Variants in SRGAP2 observed in about 807,000 individuals in gnomAD.
SRGAP2 encodes SLIT-ROBO Rho GTPase-activating protein 2.
SRGAP2 carries 15 observed loss-of-function variants against 57.2 expected under a neutral mutation model. The observed-to-expected ratio is 0.26, with a 90% CI of 0.18 to 0.40. SRGAP2 has a LOEUF of 0.40. Among genes scored for constraint, SRGAP2 ranks in the 10% least tolerant of loss-of-function variants. The pLI is 1.00. For synonymous variants in SRGAP2, 249 were observed against 248.0 expected, an observed-to-expected ratio of 1.00 and a Z score of -0.04; for missense variants, 520 against 669.6, an observed-to-expected ratio of 0.78 and a Z score of 2.47.
intron 2 of SRGAP2, among the ~76,000 whole-genome samples, chr1:206,289,624 C>T (rs1437263012): frequency 6.8e-6 from 1 of 147,126 alleles, no homozygotes. Flanking sequence ...TTAAACTTAA[C>T]CACTAATAAG....
intron 12 of SRGAP2, among the ~76,000 whole-genome samples, chr1:206,420,633 C>T (rs1289298388): frequency 6.6e-6 from 1 of 152,222 alleles, no homozygotes; most frequent in Non-Finnish European, 1.5e-5. Flanking sequence ...TCCCATCCTT[C>T]ACTCAGAGCA....
Position 206,303,307 on chromosome 1 carries a change from A to T in SRGAP2, c.94A>T (p.Met32Leu). 6.9e-7 allele frequency: 1 copy of T among 1,440,970 alleles called. No individual in the cohort carries two copies. Among genetic ancestry groups the T allele is most frequent in the Non-Finnish European group, 9.2e-7 (1 of 1,082,266 alleles). The allele number at this position is 1,440,970 out of a possible 1,614,324, so 89.3% of individuals were successfully genotyped here. A position where few individuals can be genotyped will look rare whatever the true frequency, so the allele number is the denominator to read the frequency against. ...GATCCGTGCTCAGCTCACAGAGCAG[A>T]TGAAATGCCTGGACCAGCAGTGTGA... ...KEIRAQLTEQ[M>L]KCLDQQCELR... Residue 32 changes from methionine to leucine, a missense_variant, in exon 3 of 23, where the codon ATG (methionine) becomes TTG (leucine). This residue lies in a region of SRGAP2 where 26 missense variants were observed against 202.3 expected (regional missense o/e 0.13). Transcript: ENST00000573034.
intron 16 of SRGAP2, among the ~76,000 whole-genome samples, chr1:206,439,073 G>A (rs1662036346): frequency 6.6e-6 from 1 of 152,180 alleles, no homozygotes; most frequent in South Asian, 2.1e-4. Context: ...CCTAGGTGAA[G>A]TATCTTAAGC....
At position 206,454,803 on chromosome 1, in the gene SRGAP2, C is replaced by T; in HGVS notation, c.2361-75C>T. On this transcript the variant is annotated intron_variant, in intron 20 of 22. Transcript: ENST00000573034. This position sits in a 1 kb window ranked among gnomAD's most constrained non-coding sequence, Gnocchi z 4.3. ...GGTCGCGTGTATGTCGGGGGGCCAT[C>T]TTGCCGATTTAACGCTGCTTTTTGT... 1 of 680,998 alleles carries T rather than the reference C, an allele frequency of 1.5e-6. No individual in the cohort carries two copies. Among genetic ancestry groups the T allele is most frequent in the Non-Finnish European group, 2.7e-6 (1 of 372,974 alleles). 42.2% of individuals were successfully genotyped at this position (680,998 alleles called of 1,614,324 possible).
intron 14 of SRGAP2, among the ~76,000 whole-genome samples, chr1:206,434,287 T>C (rs1661531204): frequency 6.6e-6 from 1 of 152,050 alleles, no homozygotes; most frequent in African/African-American, 2.4e-5. Context: ...TGAATCATGA[T>C]GGAAAAAAAC....
chr1:206,440,202 C>G, intron 17 of SRGAP2, 121 bp downstream of exon 17: 1 of 658,298 alleles, frequency 1.5e-6, no homozygotes, highest in East Asian at 2.7e-5. Flanking sequence ...CTACTGTGTG[C>G]TAGCCACAGT....
chr1:206,282,010 A>AG (rs1670768605), intron 2 of SRGAP2, among the ~76,000 whole-genome samples: 1 of 142,470 alleles, frequency 7.0e-6, no homozygotes, highest in Non-Finnish European at 1.5e-5. Flanking sequence ...TAACTTTTTG[A>AG]GACATGTAAA....
chr1:206,458,495 G>A (rs572950867), intron 21 of SRGAP2, 128 bp from the exon 22 acceptor site: 1 of 713,172 alleles, frequency 1.4e-6, no homozygotes, highest in South Asian at 1.5e-5. Flanking sequence ...AAGCCGAGGA[G>A]AGAACGAGTT....
At chr1:206,208,737 G>A (rs1229216526) in intron 2 of SRGAP2, among the ~76,000 whole-genome samples, 15 of 151,780 alleles carry the variant, frequency 9.9e-5, no homozygotes, top group African/African-American at 3.6e-4. Context: ...GTGTTATATG[G>A]GACTCATGGT....
At chr1:206,424,979 C>T (rs1221052887) in intron 13 of SRGAP2, among the ~76,000 whole-genome samples, 1 of 152,238 alleles carries the variant, frequency 6.6e-6, no homozygotes, top group African/African-American at 2.4e-5. Context: ...CATGTGAGTG[C>T]TGCTGGTAAC....
chr1:206,369,072 T>C (rs1654291222), intron 4 of SRGAP2, among the ~76,000 whole-genome samples: 1 of 152,154 alleles, frequency 6.6e-6, no homozygotes, highest in African/African-American at 2.4e-5. Context: ...TGGCACTCAG[T>C]TATAAATAAT....
At chr1:206,209,151 ATAAG>A (rs1451751454) in intron 2 of SRGAP2, among the ~76,000 whole-genome samples, 5 of 145,674 alleles carry the variant, frequency 3.4e-5, no homozygotes, top group Non-Finnish European at 7.4e-5. Context: ...ATGATAGGAA[ATAAG>A]TAAGGAATGA....
rs1553343070 is a variant in SRGAP2, at chr1:206,373,117, T to TC, written c.424-10896dup. ...TTTTTTTCTTTTTTTTTTTTTTTTT[T>TC]CTGAGTCTTGCTCTGTCACCCAGGC... On this transcript the variant is annotated intron_variant, in intron 4 of 22. Transcript: ENST00000573034. 5.0e-3 allele frequency among the ~76,000 whole-genome samples: 629 copies of TC among 126,120 alleles called. 56 individuals carry two copies. The highest frequency in any genetic ancestry group is 0.019 in the African/African-American group (569 of 29,778). The allele number at this position is 126,120 out of a possible 152,430, so 82.7% of individuals were successfully genotyped here.
At chr1:206,303,888 TCACACACACA>T (rs1172123806) in intron 3 of SRGAP2, among the ~76,000 whole-genome samples, 11 of 138,460 alleles carry the variant, frequency 7.9e-5, no homozygotes, top group South Asian at 6.8e-4. Context: ...TCTCTCTCTC[TCACACACACA>T]CACACACACA....
intron 14 of SRGAP2, among the ~76,000 whole-genome samples, chr1:206,434,427 T>C (rs1306907566): frequency 6.6e-6 from 1 of 152,220 alleles, no homozygotes; most frequent in African/African-American, 2.4e-5. Context: ...CCGTGCACAA[T>C]GGAAGGTTTT....
At position 206,458,919 on chromosome 1, in the gene SRGAP2, G is replaced by A. The variant is rs568447589; in HGVS notation, c.2804G>A (p.Arg935Gln). The change falls in exon 22 of 23, where the codon CGG becomes CAG. Residue 935 changes from arginine to glutamine, a missense_variant. This residue lies in a region of SRGAP2 where 478 missense variants were observed against 373.6 expected (regional missense o/e 1.28). Coordinates refer to ENST00000573034, the MANE Select transcript of SRGAP2 (RefSeq NM_015326.5). ...AGRSKSFNNH[R>Q]PMDPEVIAQD... is the part of the protein sequence containing the mutation. ...AGGTCAAAAAGCTTCAATAACCATC[G>A]GCCCATGGACCCTGAGGTCATTGCT... 2.3e-4 allele frequency: 175 copies of A among 777,692 alleles called. 1 individual carries two copies. The highest frequency in any genetic ancestry group is 1.0e-3 in the South Asian group (76 of 73,930). The allele number at this position is 777,692 out of a possible 1,614,324, so 48.2% of individuals were successfully genotyped here.
chr1:206,276,337 C>G (rs1670410479), intron 2 of SRGAP2, among the ~76,000 whole-genome samples: 1 of 142,244 alleles, frequency 7.0e-6, no homozygotes, highest in African/African-American at 2.6e-5. Context: ...CAATATGCCC[C>G]CTCCTGGGAG....
intron 19 of SRGAP2, among the ~76,000 whole-genome samples, chr1:206,451,091 TG>T (rs1302255265): frequency 8.0e-6 from 1 of 125,416 alleles, no homozygotes; most frequent in Non-Finnish European, 1.6e-5. Flanking sequence ...TACTCCAGCC[TG>T]GGTGAGAGAG....
intron 18 of SRGAP2, among the ~76,000 whole-genome samples, chr1:206,446,922 T>C (rs150922100): frequency 1.3e-5 from 2 of 152,282 alleles, no homozygotes; most frequent in East Asian, 3.9e-4. Context: ...GGGATATATG[T>C]TTGCTAGACC....
Sources: gnomAD v4.1 joint callset for allele counts (sites outside exome capture counted in the v4.1 genomes callset) on GRCh38, gnomAD v4.1.1 for gene constraint, gnomAD v4.1.1 regional missense constraint, Gnocchi (gnomAD v3.1) non-coding constraint, MANE v1.5 for transcripts, NCBI Gene and HGNC (gene_info 2026-07-23, HGNC 2026-07-21) for gene names.